Variants in IDE observed in about 807,000 individuals in gnomAD.
IDE encodes the protein insulin degrading enzyme, also known as insulin-degrading enzyme.
IDE carries 58 observed loss-of-function variants against 133.2 expected under a neutral mutation model. That is an observed-to-expected ratio of 0.44 (90% CI 0.35 to 0.54). The LOEUF is 0.54. Ranked by LOEUF, IDE falls within the 20% of genes least tolerant of loss-of-function variation. IDE has a pLI of 0.00. For synonymous variants in IDE, 396 were observed against 421.3 expected, an observed-to-expected ratio of 0.94 and a Z score of 0.73; for missense variants, 981 against 1,234.0, an observed-to-expected ratio of 0.79 and a Z score of 3.07.
intron 4 of IDE, among the ~76,000 whole-genome samples, chr10:92,530,714 G>A (rs1229922742): frequency 1.3e-5 from 2 of 152,088 alleles, no homozygotes; most frequent in African/African-American, 2.4e-5. Flanking sequence ...TATTCATCTT[G>A]GCAATTATGT....
chr10:92,485,927 G>A (rs1017126797), intron 13 of IDE, among the ~76,000 whole-genome samples: 17 of 150,720 alleles, frequency 1.1e-4, no homozygotes, highest in African/African-American at 4.2e-4. Context: ...GGGCAACAGA[G>A]AGACCCTGTC....
At chr10:92,573,169 G>A (rs140297785) in intron 1 of IDE, 2 of 985,452 alleles carry the variant, frequency 2.0e-6, no homozygotes, top group African/African-American at 1.7e-5. Context: ...CCTAGCGTAC[G>A]CAGATCAACG....
At chr10:92,551,682 G>A (rs189091611) in intron 1 of IDE, among the ~76,000 whole-genome samples, 2 of 152,174 alleles carry the variant, frequency 1.3e-5, no homozygotes, top group Admixed American at 1.3e-4. Flanking sequence ...AAAACAGACA[G>A]GTGGTTGCAA....
chr10:92,500,583 CACA>C (rs1202066514), intron 11 of IDE, among the ~76,000 whole-genome samples: 5 of 152,048 alleles, frequency 3.3e-5, no homozygotes, highest in Admixed American at 3.3e-4. Flanking sequence ...GTTTTTTAAT[CACA>C]ACAAAAAAAT....
At chr10:92,483,999 G>A (rs141724824) in intron 13 of IDE, among the ~76,000 whole-genome samples, 28 of 152,266 alleles carry the variant, frequency 1.8e-4, no homozygotes, top group Non-Finnish European at 3.5e-4. Context: ...GAATTCTCCA[G>A]CCCTGGCTGA....
Position 92,528,935 on chromosome 10 carries a change from G to A in IDE, c.661+2813C>T, listed in dbSNP as rs189773813. 5.4e-3 allele frequency among the ~76,000 whole-genome samples: 815 copies of A among 152,086 alleles called. 9 individuals are homozygous for A. The highest frequency in any genetic ancestry group is 0.017 in the South Asian group (83 of 4,814). On this transcript the variant is annotated intron_variant, in intron 4 of 24. Coordinates refer to ENST00000265986, the MANE Select transcript of IDE (RefSeq NM_004969.4). The stretch of plus-strand genomic sequence containing the variant: ...CTACTAAAAATACAAAAATTAGCTG[G>A]GCATGGTGGTGGGTGCCCGTAATCC...
intron 12 of IDE, among the ~76,000 whole-genome samples, chr10:92,487,581 T>C (rs752683622): frequency 6.6e-5 from 10 of 152,188 alleles, no homozygotes; most frequent in Non-Finnish European, 7.3e-5. Context: ...TGAGGAACAA[T>C]TGAGACTATG....
chr10:92,464,104 T>C, intron 20 of IDE, 101 bp from the exon 21 acceptor site: 1 of 1,261,168 alleles, frequency 7.9e-7, no homozygotes. Context: ...AAATCTAGTT[T>C]AAGGTTTTAG....
rs544315920 is a variant in IDE at position 92,459,216 on chromosome 10, AC to A, written c.2823+1974del. On this transcript the variant is annotated intron_variant, in intron 22 of 24. Transcript: ENST00000265986. Reference sequence around the variant, plus strand: ...GAGGTGTAAGCAACTCATGGATGATACAAAATCACCATTTTCCTCAAAGAAA... The same window carrying A: ...GAGGTGTAAGCAACTCATGGATGATAAAAATCACCATTTTCCTCAAAGAAA... Among the ~76,000 whole-genome samples, 9 of 152,356 alleles carry A rather than the reference AC, an allele frequency of 5.9e-5. No individual in the cohort carries two copies. The East Asian group carries it at 1.7e-3, about 29-fold the overall frequency.
At chr10:92,465,242 T>A (rs756934676) in intron 20 of IDE, among the ~76,000 whole-genome samples, 1 of 152,166 alleles carries the variant, frequency 6.6e-6, no homozygotes, top group African/African-American at 2.4e-5. Context: ...TCAAGACTTT[T>A]AACAGTATCT....
chr10:92,489,375 C>T (rs1663867479), intron 12 of IDE, among the ~76,000 whole-genome samples: 1 of 152,092 alleles, frequency 6.6e-6, no homozygotes, highest in African/African-American at 2.4e-5. Flanking sequence ...CATGGTGAAA[C>T]CCTGTCTCTA....
At chr10:92,511,470 T>C (rs1848625287) in intron 5 of IDE, among the ~76,000 whole-genome samples, 1 of 152,184 alleles carries the variant, frequency 6.6e-6, no homozygotes. Context: ...ATAGGTTATT[T>C]ATAAATGGTA....
At position 92,537,421 on chromosome 10, in the gene IDE, A is replaced by C. The variant is rs758923635; in HGVS notation, c.228T>G (p.Leu76=). Residue 76 remains leucine, a synonymous_variant, in exon 2 of 25, where the codon CTT becomes CTG. Transcript: ENST00000265986. ...GLELANGIKV[L]LISDPTTDKS... is the part of the protein sequence containing the mutation. ...TATCCGTGGTGGGATCACTGATAAG[A>C]AGTACTTTGATACCATTGGCCAGCT... 6.2e-7 allele frequency: 1 copy of C among 1,613,926 alleles called. No homozygotes were observed. The highest frequency in any genetic ancestry group is 8.5e-7 in the Non-Finnish European group (1 of 1,179,936).
chr10:92,535,076 T>C (rs976127683), intron 2 of IDE, among the ~76,000 whole-genome samples: 10 of 152,062 alleles, frequency 6.6e-5, no homozygotes, highest in Non-Finnish European at 8.8e-5. Flanking sequence ...GATTCACAGT[T>C]TTAAGAGGTA....
At chr10:92,478,679 C>A (rs1265764234) in intron 15 of IDE, 1 of 1,272,908 alleles carries the variant, frequency 7.9e-7, no homozygotes, top group Non-Finnish European at 1.0e-6. Flanking sequence ...AATGCCATAG[C>A]TCAAACCTGA....
chr10:92,510,030 A>C lies in IDE; in HGVS notation c.897+20T>G. ...TGTCCATAAATTAAGAAGACAAAAT[A>C]CCAAAATTTATGCACTTACTTTAAG... is the stretch of plus-strand genomic sequence containing the variant. On this transcript the variant is annotated intron_variant, in intron 6 of 24. Transcript: ENST00000265986. 2 of 1,278,736 alleles carry C rather than the reference A, an allele frequency of 1.6e-6. No individual in the cohort carries two copies. The highest frequency in any genetic ancestry group is 2.3e-6 in the Non-Finnish European group (2 of 885,942). 79.2% of individuals were successfully genotyped at this position (1,278,736 alleles called of 1,614,324 possible).
At chr10:92,476,783 T>C (rs1382392423) in intron 15 of IDE, among the ~76,000 whole-genome samples, 2 of 152,230 alleles carry the variant, frequency 1.3e-5, no homozygotes, top group East Asian at 3.8e-4. Context: ...GCTAAGTTTT[T>C]TCTTCAAAAA....
At chr10:92,493,120 G>A (rs1277157981) in intron 11 of IDE, among the ~76,000 whole-genome samples, 1 of 152,208 alleles carries the variant, frequency 6.6e-6, no homozygotes, top group Middle Eastern at 3.2e-3. Flanking sequence ...AGGAAGTGAT[G>A]CATGTTGGTA....
At chr10:92,488,989 G>A (rs1023965704) in intron 12 of IDE, among the ~76,000 whole-genome samples, 10 of 145,352 alleles carry the variant, frequency 6.9e-5, no homozygotes, top group Admixed American at 6.2e-4. Flanking sequence ...AACCAGCCTG[G>A]ACAACAGAGC....
Sources: gnomAD v4.1 joint callset for allele counts (sites outside exome capture counted in the v4.1 genomes callset) on GRCh38, gnomAD v4.1.1 for gene constraint, MANE v1.5 for transcripts, NCBI Gene and HGNC (gene_info 2026-07-23, HGNC 2026-07-21) for gene names.